Variants in PCDHGA1 observed in about 807,000 individuals in gnomAD.
PCDHGA1 encodes the protein protocadherin gamma subfamily A, 1, also known as protocadherin gamma-A1.
A neutral mutation model predicts 58.0 loss-of-function variants in PCDHGA1; 32 were observed. The observed-to-expected ratio is 0.55, with a 90% CI of 0.42 to 0.74. PCDHGA1 has a LOEUF of 0.74. PCDHGA1 is among the 30% of genes least tolerant of loss of function. The probability of loss-of-function intolerance (pLI) is 0.00; values close to 1 mark genes in which losing one functional copy is unlikely to be tolerated. For synonymous variants in PCDHGA1, 498 were observed against 501.1 expected (o/e 0.99, Z 0.08); for missense variants, 1,205 against 1,182.3 (o/e 1.02, Z -0.28).
chr5:141,485,865 C>A lies in PCDHGA1; in HGVS notation c.2422-8942C>A. ...TCTGGCACCGCAGAGCTCCGGGTAT[C>A]CGTGCTGGACGTAAACGACAACGCC... On this transcript the variant is annotated intron_variant, in intron 1 of 3. Transcript: ENST00000517417. The surrounding 1 kb of genome is among the most constrained non-coding windows in gnomAD (Gnocchi z 5.7). 1 of 1,614,182 alleles carries A rather than the reference C, an allele frequency of 6.2e-7. No homozygotes were observed. The highest frequency in any genetic ancestry group is 8.5e-7 in the Non-Finnish European group (1 of 1,180,034).
chr5:141,340,952 A>T (rs764538104), intron 1 of PCDHGA1: 1 of 1,613,718 alleles, frequency 6.2e-7, no homozygotes, highest in Admixed American at 1.7e-5. Flanking sequence ...TGTCACGCTC[A>T]CCGTGGCCGT....
chr5:141,415,740 GTTTTTTTTTTTTTTT>G (rs57426385), intron 1 of PCDHGA1: 171 of 625,014 alleles, frequency 2.7e-4, no homozygotes, highest in East Asian at 8.8e-4. Flanking sequence ...GTTTATTAAG[GTTTTTTTTTTTTTTT>G]TTTTTTTTTT....
At chr5:141,361,796 A>G (rs1762187371) in intron 1 of PCDHGA1, 3 of 1,613,122 alleles carry the variant, frequency 1.9e-6, no homozygotes, top group Middle Eastern at 3.3e-4. Flanking sequence ...TTAGTGGGCG[A>G]CCTCAATGAC....
intron 1 of PCDHGA1, among the ~76,000 whole-genome samples, chr5:141,473,298 A>G (rs1033516450): frequency 1.3e-5 from 2 of 152,244 alleles, no homozygotes; most frequent in Non-Finnish European, 2.9e-5. Context: ...AGTAGCATAA[A>G]GATTGCTATA....
rs183531575 is a variant in PCDHGA1 at position 141,469,308 on chromosome 5, G to A, written c.2422-25499G>A. Among the ~76,000 whole-genome samples the A allele has an allele frequency of 2.5e-3, 379 of 152,184 alleles. 1 individual carries two copies. The highest frequency in any genetic ancestry group is 5.8e-3 in the South Asian group (28 of 4,814). On this transcript the variant is annotated intron_variant, in intron 1 of 3. Transcript: ENST00000517417. ...TAAAACAAAATAGACTGGGCACGAT[G>A]GCTCACGCCTGTAATCCCACCACTT...
chr5:141,461,347 G>C (rs2154567331), intron 1 of PCDHGA1, among the ~76,000 whole-genome samples: 1 of 152,242 alleles, frequency 6.6e-6, no homozygotes, highest in Admixed American at 6.5e-5. Flanking sequence ...GGACCAAGGT[G>C]GTAGCTCGTT....
At chr5:141,362,396 T>C in intron 1 of PCDHGA1, 1 of 1,614,058 alleles carries the variant, frequency 6.2e-7, no homozygotes, top group African/African-American at 1.3e-5. Context: ...TCCTACAACC[T>C]GTGTGTTGCC....
At chr5:141,387,608 G>C (rs562428819) in intron 1 of PCDHGA1, 221 of 551,402 alleles carry the variant, frequency 4.0e-4, no homozygotes, top group Non-Finnish European at 6.6e-4. Context: ...AGAGGCTGTA[G>C]TTTCCTAGTG....
At chr5:141,451,640 G>A (rs2098720679) in intron 1 of PCDHGA1, among the ~76,000 whole-genome samples, 1 of 152,166 alleles carries the variant, frequency 6.6e-6, no homozygotes, top group South Asian at 2.1e-4. Context: ...CCAGCACTCT[G>A]AGAGGCCAAG....
chr5:141,441,740 G>T (rs1241907865), intron 1 of PCDHGA1: 2 of 364,772 alleles, frequency 5.5e-6, no homozygotes, highest in Non-Finnish European at 1.1e-5. Context: ...ACTAGCTCGC[G>T]CTCGGCGTCA....
intron 1 of PCDHGA1, chr5:141,404,091 G>A (rs1404367820): frequency 6.2e-7 from 1 of 1,613,422 alleles, no homozygotes; most frequent in Non-Finnish European, 8.5e-7. Flanking sequence ...GGGAAGAATG[G>A]TCAAGTTGTC....
intron 1 of PCDHGA1, chr5:141,383,307 A>G (rs1207101754): frequency 3.1e-6 from 5 of 1,613,874 alleles, no homozygotes; most frequent in Non-Finnish European, 4.2e-6. Flanking sequence ...TCTTGACGGA[A>G]GAAATAAATG....
intron 1 of PCDHGA1, chr5:141,419,836 G>A (rs756561978): frequency 1.9e-6 from 3 of 1,613,958 alleles, no homozygotes. Context: ...CCACTGCCAC[G>A]CTGCACCTGG....
At chr5:141,484,050 C>T (rs1262678828) in intron 1 of PCDHGA1, among the ~76,000 whole-genome samples, 1 of 151,984 alleles carries the variant, frequency 6.6e-6, no homozygotes, top group Non-Finnish European at 1.5e-5. Flanking sequence ...CAAGAGGTCC[C>T]CTGGGGCTAA....
chr5:141,495,545 A>G (rs1174346915), intron 2 of PCDHGA1, among the ~76,000 whole-genome samples: 3 of 151,824 alleles, frequency 2.0e-5, no homozygotes, highest in Non-Finnish European at 4.4e-5. Flanking sequence ...CTCAGTCTCT[A>G]TCTCGCTTTG....
At chr5:141,450,006 C>CTTTTTTT (rs1554136305) in intron 1 of PCDHGA1, among the ~76,000 whole-genome samples, 1 of 132,982 alleles carries the variant, frequency 7.5e-6, no homozygotes, top group Admixed American at 7.8e-5. Context: ...TGCCATGTCT[C>CTTTTTTT]TTTTTTTTTT....
intron 1 of PCDHGA1, chr5:141,420,475 A>G (rs1590231324): frequency 3.0e-6 from 2 of 665,126 alleles, no homozygotes; most frequent in Admixed American, 7.8e-5. Context: ...ATTTTAAAGC[A>G]AACTACATGG....
intron 1 of PCDHGA1, among the ~76,000 whole-genome samples, chr5:141,373,000 T>C (rs1310950733): frequency 6.6e-6 from 1 of 152,222 alleles, no homozygotes; most frequent in Non-Finnish European, 1.5e-5. Context: ...TGTTCTTTCA[T>C]AGAAAGCCTC....
At chr5:141,418,185 T>C in intron 1 of PCDHGA1, 1 of 1,614,058 alleles carries the variant, frequency 6.2e-7, no homozygotes, top group Non-Finnish European at 8.5e-7. Flanking sequence ...TTGGAAGCTG[T>C]GGTGGAAAAT....
Sources: allele counts gnomAD v4.1 joint callset (sites outside exome capture counted in the v4.1 genomes callset), GRCh38; gene constraint gnomAD v4.1.1; non-coding constraint Gnocchi (gnomAD v3.1); transcripts MANE v1.5; gene names NCBI Gene and HGNC (gene_info 2026-07-23, HGNC 2026-07-21).